The following ZFHX3 variants were observed in gnomAD, a reference collection of about 807,000 sequenced individuals.
ZFHX3 encodes the protein zinc finger homeobox protein 3.
Under a neutral mutation model 279.1 loss-of-function variants are expected in ZFHX3, and 42 were observed. The observed-to-expected ratio is 0.15, with a 90% confidence interval of 0.12 to 0.19. ZFHX3 has a LOEUF of 0.19. ZFHX3 is among the 10% of genes least tolerant of loss of function. The probability of loss-of-function intolerance (pLI) is 1.00; values close to 1 mark genes in which losing one functional copy is unlikely to be tolerated. For synonymous variants in ZFHX3, 2,293 were observed against 1,957.8 expected, an observed-to-expected ratio of 1.17 and a Z score of -4.52; for missense variants, 4,981 against 4,754.0, an observed-to-expected ratio of 1.05 and a Z score of -1.40.
At chr16:73,849,435 C>T (rs934579365) in intron 1 of ZFHX3, among the ~76,000 whole-genome samples, 1 of 152,134 alleles carries the variant, frequency 6.6e-6, no homozygotes, top group Non-Finnish European at 1.5e-5. Context: ...GCTTTGCATA[C>T]TGGAAGGTAT....
chr16:73,447,688 C>A (rs897954061), intron 3 of ZFHX3, among the ~76,000 whole-genome samples: 1 of 152,158 alleles, frequency 6.6e-6, no homozygotes, highest in East Asian at 1.9e-4. Flanking sequence ...ACACATTAAA[C>A]TGCTGCTAAG....
At chr16:73,683,112 G>A (rs1471670963) in intron 1 of ZFHX3, among the ~76,000 whole-genome samples, 2 of 152,128 alleles carry the variant, frequency 1.3e-5, no homozygotes, top group Non-Finnish European at 2.9e-5. Flanking sequence ...TCTTACACAT[G>A]CCTTTTATTA....
chr16:73,105,986 G>A (rs1015396664), intron 7 of ZFHX3, among the ~76,000 whole-genome samples: 9 of 122,900 alleles, frequency 7.3e-5, no homozygotes, highest in African/African-American at 1.9e-4. Context: ...AATACCTGCC[G>A]CCCGGAACGC....
At chr16:72,957,203 C>G (rs1212897061) in intron 2 of ZFHX3, among the ~76,000 whole-genome samples, 1 of 152,190 alleles carries the variant, frequency 6.6e-6, no homozygotes, top group Non-Finnish European at 1.5e-5. Flanking sequence ...CCCCACGTAG[C>G]CAGAGTACAA....
At chr16:73,573,479 G>A (rs1466155872) in intron 2 of ZFHX3, among the ~76,000 whole-genome samples, 1 of 152,290 alleles carries the variant, frequency 6.6e-6, no homozygotes, top group African/African-American at 2.4e-5. Flanking sequence ...AAAAGAGGAC[G>A]GAACTAGCAT....
intron 4 of ZFHX3, among the ~76,000 whole-genome samples, chr16:72,842,123 G>C (rs2037358247): frequency 6.6e-6 from 1 of 152,250 alleles, no homozygotes; most frequent in African/African-American, 2.4e-5. Context: ...ACACACTGCA[G>C]TTGGCGGAAG....
chr16:73,333,796 C>A (rs149360795), intron 3 of ZFHX3, among the ~76,000 whole-genome samples: 14 of 135,452 alleles, frequency 1.0e-4, no homozygotes, highest in Non-Finnish European at 1.6e-4. Context: ...AGTTTTCACC[C>A]CAAGAGACCA....
chr16:73,695,193 T>G (rs2053185922), intron 1 of ZFHX3, among the ~76,000 whole-genome samples: 1 of 152,208 alleles, frequency 6.6e-6, no homozygotes, highest in Admixed American at 6.5e-5. Flanking sequence ...ACTATTTTTT[T>G]CTTTGCTTAA....
intron 2 of ZFHX3, among the ~76,000 whole-genome samples, chr16:73,539,430 C>CTTTTTT (rs2019970423): frequency 1.2e-5 from 1 of 80,104 alleles, no homozygotes; most frequent in African/African-American, 5.3e-5. Flanking sequence ...CCTTCCTCTT[C>CTTTTTT]TTCTTTTTTT....
intron 2 of ZFHX3, among the ~76,000 whole-genome samples, chr16:73,592,609 G>C (rs1277617681): frequency 6.6e-6 from 1 of 152,156 alleles, no homozygotes; most frequent in East Asian, 1.9e-4. Context: ...GCAGGGGAGA[G>C]TAGGAGGAAA....
chr16:73,150,345 G>A (rs1201822412), intron 5 of ZFHX3, among the ~76,000 whole-genome samples: 1 of 152,112 alleles, frequency 6.6e-6, no homozygotes, highest in Non-Finnish European at 1.5e-5. Context: ...AAGTAAGATG[G>A]CCCTGGGTTC....
chr16:73,381,892 G>A (rs1038680343), intron 3 of ZFHX3, among the ~76,000 whole-genome samples: 1 of 152,224 alleles, frequency 6.6e-6, no homozygotes, highest in African/African-American at 2.4e-5. Context: ...TGGACTGCGG[G>A]TTGGACAAGC....
At chr16:73,745,176 T>C (rs2053692788) in intron 1 of ZFHX3, among the ~76,000 whole-genome samples, 2 of 152,184 alleles carry the variant, frequency 1.3e-5, no homozygotes, top group African/African-American at 2.4e-5. Flanking sequence ...TTATAAAATA[T>C]GTTTCTTGAT....
At chr16:73,506,525 T>C (rs1372003302) in intron 2 of ZFHX3, among the ~76,000 whole-genome samples, 1 of 152,160 alleles carries the variant, frequency 6.6e-6, no homozygotes, top group African/African-American at 2.4e-5. Flanking sequence ...TCATGTATAT[T>C]AGCCAGAATG....
At chr16:73,789,257 T>G (rs1959753396) in intron 1 of ZFHX3, among the ~76,000 whole-genome samples, 2 of 152,018 alleles carry the variant, frequency 1.3e-5, no homozygotes, top group African/African-American at 4.8e-5. Context: ...ATCAACTCAC[T>G]ATAACCAACG....
At chr16:73,777,462 T>C (rs1267211874) in intron 1 of ZFHX3, among the ~76,000 whole-genome samples, 1 of 116,526 alleles carries the variant, frequency 8.6e-6, no homozygotes, top group African/African-American at 3.2e-5. Flanking sequence ...AAGATCAAAA[T>C]CACGCCACTG....
chr16:73,627,005 C>T (rs1194008910), intron 2 of ZFHX3, among the ~76,000 whole-genome samples: 1 of 152,104 alleles, frequency 6.6e-6, no homozygotes, highest in Non-Finnish European at 1.5e-5. Flanking sequence ...AAAACACACC[C>T]ATCATTATAT....
intron 4 of ZFHX3, among the ~76,000 whole-genome samples, chr16:73,275,863 A>T (rs1400606834): frequency 6.6e-6 from 1 of 152,166 alleles, no homozygotes; most frequent in Non-Finnish European, 1.5e-5. Flanking sequence ...GAAGCACAAT[A>T]AAAGAAGGTA....
At chr16:72,889,317 C>T (rs140429954) in intron 4 of ZFHX3, among the ~76,000 whole-genome samples, 345 of 152,102 alleles carry the variant, frequency 2.3e-3, no homozygotes, top group African/African-American at 7.6e-3. Flanking sequence ...GCAGGACACA[C>T]GATGTAGCAT....
Sources: gnomAD v4.1 joint callset for allele counts (sites outside exome capture counted in the v4.1 genomes callset) on GRCh38, gnomAD v4.1.1 for gene constraint, MANE v1.5 for transcripts, NCBI Gene and HGNC (gene_info 2026-07-23, HGNC 2026-07-21) for gene names.